The following CPEB2 variants were observed in gnomAD, a reference collection of about 807,000 sequenced individuals.
The protein encoded by CPEB2 is cytoplasmic polyadenylation element-binding protein 2.
CPEB2 carries 56 observed loss-of-function variants against 93.6 expected under a neutral mutation model. That is an observed-to-expected ratio of 0.60 (90% confidence interval 0.48 to 0.75). CPEB2 has a LOEUF of 0.75. CPEB2 is among the 30% of genes least tolerant of loss of function. The pLI is 0.00. For missense variants in CPEB2, 1,579 were observed against 1,395.1 expected (o/e 1.13, Z -2.10); for synonymous variants, 764 against 586.3 (o/e 1.30, Z -4.38).
intron 6 of CPEB2, among the ~76,000 whole-genome samples, chr4:15,051,683 A>G (rs959651725): frequency 6.6e-6 from 1 of 152,226 alleles, no homozygotes; most frequent in African/African-American, 2.4e-5. Context: ...CCATGGTTAC[A>G]TATATAGATC....
intron 6 of CPEB2, among the ~76,000 whole-genome samples, chr4:15,045,553 T>C (rs1237335226): frequency 6.6e-6 from 1 of 152,166 alleles, no homozygotes; most frequent in African/African-American, 2.4e-5. Flanking sequence ...ATGAAGTGTT[T>C]GGAGTCAAGA....
Position 15,030,877 on chromosome 4 carries a change from G to A in CPEB2, c.2126-2284G>A, listed in dbSNP as rs534920103. Among the ~76,000 whole-genome samples, 99 of 152,138 alleles carry A rather than the reference G, an allele frequency of 6.5e-4. 1 individual carries two copies. The highest frequency in any genetic ancestry group is 2.3e-3 in the African/African-American group (97 of 41,538). ...ATAATATCAAAAGACTATTAGCAGT[G>A]AAACTATTTTATTACCTGTATCTTG... On this transcript the variant is annotated intron_variant, in intron 4 of 11. Transcript: ENST00000538197.
chr4:15,037,144 T>C lies in CPEB2; in HGVS notation c.2177-3320T>C, dbSNP rs184901935. Among the ~76,000 whole-genome samples, 628 of 152,058 alleles carry C rather than the reference T, an allele frequency of 4.1e-3. 3 individuals are homozygous for C. The highest frequency in any genetic ancestry group is 0.015 in the African/African-American group (607 of 41,484). On this transcript the variant is annotated intron_variant, in intron 5 of 11. Coordinates refer to ENST00000538197, the MANE Select transcript of CPEB2 (RefSeq NM_001177382.2). ...GGTGAAACCCCGTCTCTACTAAAAA[T>C]ACAAAAAAATTAGCTGGGTGTGGTG...
In CPEB2 at chr4:15,003,179, G is replaced by GGCAGCA; in HGVS notation, c.515_520dup (p.Gln172_Gln173dup). The GGCAGCA allele has an allele frequency of 6.5e-7, 1 of 1,533,686 alleles. No individual in the cohort carries two copies. Among genetic ancestry groups the GGCAGCA allele is most frequent in the Non-Finnish European group, 8.7e-7 (1 of 1,146,050 alleles). On this transcript the variant is annotated inframe_insertion, in exon 1 of 12. Transcript: ENST00000538197. ...TCCTCCCCGCAGGACTTCAGTAAGC[G>GGCAGCA]GCAGCAGCAGCAGCTGAGCAGCCAG...
chr4:15,038,655 C>G (rs559184136), intron 5 of CPEB2, among the ~76,000 whole-genome samples: 67 of 149,774 alleles, frequency 4.5e-4, no homozygotes, highest in African/African-American at 1.5e-3. Flanking sequence ...GTGGCGCTAT[C>G]TCATCTACCT....
chr4:15,023,265 G>T (rs1386202359), intron 4 of CPEB2, among the ~76,000 whole-genome samples: 1 of 151,948 alleles, frequency 6.6e-6, no homozygotes, highest in African/African-American at 2.4e-5. Context: ...ATAAAAGCAA[G>T]TAATTGGAAT....
At chr4:15,024,890 T>G (rs1725268201) in intron 4 of CPEB2, among the ~76,000 whole-genome samples, 1 of 151,528 alleles carries the variant, frequency 6.6e-6, no homozygotes, top group Non-Finnish European at 1.5e-5. Flanking sequence ...GGATTACAGG[T>G]GTCCACCACC....
rs543882581 is a variant in CPEB2 at position 15,065,332 on chromosome 4, C to T, written c.2878-821C>T. On this transcript the variant is annotated intron_variant, in intron 11 of 11. Coordinates refer to ENST00000538197, the MANE Select transcript of CPEB2 (RefSeq NM_001177382.2). The stretch of plus-strand genomic sequence containing the variant: ...CAGTGTTCTGTTGTCTCCTAAGGAA[C>T]GGCTGAGCTGTTATGCTGTCTGGCA... Among the ~76,000 whole-genome samples, 20 of 152,172 alleles carry T rather than the reference C, an allele frequency of 1.3e-4. No individual in the cohort carries two copies. In the Middle Eastern group the frequency reaches 0.01, roughly 78 times the overall value.
chr4:15,061,869 G>A (rs551734900), intron 10 of CPEB2, among the ~76,000 whole-genome samples: 2 of 148,442 alleles, frequency 1.3e-5, no homozygotes, highest in Non-Finnish European at 3.0e-5. Flanking sequence ...AGTGCTGTAA[G>A]TAGGTAGATG....
intron 3 of CPEB2, among the ~76,000 whole-genome samples, chr4:15,011,888 C>A (rs1324315277): frequency 1.3e-5 from 2 of 152,180 alleles, no homozygotes; most frequent in South Asian, 4.1e-4. Context: ...TGCTCTTCCA[C>A]AAGCTCTACT....
In CPEB2 at chr4:15,003,438, G is replaced by C. The variant is rs1490032631; in HGVS notation, c.765G>C (p.Pro255=). Residue 255 remains proline, a synonymous_variant, in exon 1 of 12, where the codon CCG becomes CCC. Coordinates refer to ENST00000538197, the MANE Select transcript of CPEB2 (RefSeq NM_001177382.2). ...SPQDFAPRQR[P]ADLPPLPQLP... Reference sequence around the variant, plus strand: ...AGGACTTCGCCCCGCGGCAGCGTCCGGCAGACCTGCCCCCGCTCCCGCAGC... The same window carrying C: ...AGGACTTCGCCCCGCGGCAGCGTCCCGCAGACCTGCCCCCGCTCCCGCAGC... 6.6e-6 allele frequency: 9 copies of C among 1,358,236 alleles called. No individual in the cohort carries two copies. In the Middle Eastern group the frequency reaches 6.6e-4, roughly 100 times the overall value. The allele number at this position is 1,358,236 out of a possible 1,614,324, so 84.1% of individuals were successfully genotyped here.
At chr4:15,030,632 C>T (rs527996578) in intron 4 of CPEB2, among the ~76,000 whole-genome samples, 2 of 151,932 alleles carry the variant, frequency 1.3e-5, no homozygotes, top group Non-Finnish European at 2.9e-5. Flanking sequence ...ATTAATGTTT[C>T]CACTGTGGTA....
intron 5 of CPEB2, among the ~76,000 whole-genome samples, chr4:15,037,241 T>C (rs1022585639): frequency 2.0e-5 from 3 of 151,548 alleles, no homozygotes; most frequent in African/African-American, 7.3e-5. Flanking sequence ...AGTTGGAGCT[T>C]GCAGTGATGC....
chr4:15,002,536 C>T lies in CPEB2; in HGVS notation c.-138C>T, dbSNP rs1266474625. The T allele has an allele frequency of 9.6e-6, 6 of 627,490 alleles. No homozygotes were observed. The highest frequency in any genetic ancestry group is 6.9e-5 in the East Asian group (2 of 28,802). 38.9% of individuals were successfully genotyped at this position (627,490 alleles called of 1,614,324 possible). On this transcript the variant is annotated 5_prime_UTR_variant, in exon 1 of 12. Coordinates refer to ENST00000538197, the MANE Select transcript of CPEB2 (RefSeq NM_001177382.2). Reference sequence around the variant, plus strand: ...AGGGGTGGTGGGGCCGAAGTCGGTGCCCCCTGGCTCAGTCACGGTGTCCCT... The same window carrying T: ...AGGGGTGGTGGGGCCGAAGTCGGTGTCCCCTGGCTCAGTCACGGTGTCCCT...
intron 5 of CPEB2, among the ~76,000 whole-genome samples, chr4:15,039,877 A>C (rs1469249749): frequency 6.6e-6 from 1 of 152,088 alleles, no homozygotes; most frequent in African/African-American, 2.4e-5. Context: ...AGCTATAGTA[A>C]TTTCTCTAAA....
chr4:15,003,124 T>G lies in CPEB2; in HGVS notation c.451T>G (p.Ser151Ala), dbSNP rs1166752987. 2.0e-5 allele frequency: 31 copies of G among 1,530,064 alleles called. No individual in the cohort carries two copies. The highest frequency in any genetic ancestry group is 8.4e-5 in the African/African-American group (6 of 71,608). The allele number at this position is 1,530,064 out of a possible 1,614,324, so 94.8% of individuals were successfully genotyped here. ...GAGTCTGCACCACCCCTCCTCCTCC[T>G]CCGCCTCCTCCTGCTGCTGCTGCCG... ...KPSLHHPSSS[S>A]ASSCCCCRTS... Residue 151 changes from serine (S) to alanine (A), a missense_variant, in exon 1 of 12, where the codon TCC becomes GCC. By Grantham distance (99) the Ser-to-Ala change is moderately conservative. Around this residue, in one of 2 missense-constraint regions of CPEB2, gnomAD observed 1,411 missense variants for 1,056.0 expected, o/e 1.34. Transcript: ENST00000538197.
intron 6 of CPEB2, among the ~76,000 whole-genome samples, chr4:15,041,405 CTTTTTTTT>C (rs34625144): frequency 6.9e-6 from 1 of 144,772 alleles, no homozygotes; most frequent in African/African-American, 2.5e-5. Flanking sequence ...CCTTTGATCA[CTTTTTTTT>C]TTTTTTGAGA....
chr4:15,007,818 C>T (rs536591972), intron 2 of CPEB2, among the ~76,000 whole-genome samples: 48 of 152,130 alleles, frequency 3.2e-4, no homozygotes, highest in Non-Finnish European at 5.9e-4. Context: ...GTAGAAAAAC[C>T]TTTTGTATTT....
chr4:15,007,234 T>G (rs1577358391), intron 1 of CPEB2, 71 bp from the exon 2 acceptor site: 7 of 1,317,812 alleles, frequency 5.3e-6, no homozygotes, highest in Non-Finnish European at 7.0e-6. Flanking sequence ...TTCTTAGGTC[T>G]GAAATTTGAA....
Sources: gnomAD v4.1 joint callset for allele counts (sites outside exome capture counted in the v4.1 genomes callset) on GRCh38, gnomAD v4.1.1 for gene constraint, gnomAD v4.1.1 regional missense constraint, MANE v1.5 for transcripts, NCBI Gene and HGNC (gene_info 2026-07-23, HGNC 2026-07-21) for gene names.